The following DNAAF11 variants were observed in gnomAD, a reference collection of about 807,000 sequenced individuals.
The protein encoded by DNAAF11 is leucine rich repeat containing 6.
In DNAAF11, 45 loss-of-function variants were observed where a neutral mutation model predicts 60.8. The observed-to-expected ratio is 0.74, with a 90% confidence interval of 0.58 to 0.95. The LOEUF (loss-of-function observed/expected upper bound fraction) is 0.95. Among genes scored for constraint, DNAAF11 ranks in the 40% least tolerant of loss-of-function variants. DNAAF11 has a pLI of 0.00. For synonymous variants in DNAAF11, 191 were observed against 183.5 expected (o/e 1.04, Z -0.33); for missense variants, 546 against 546.2 (o/e 1.00, Z 0.00).
chr8:132,690,710 C>T, the DNAAF11 span, among the ~76,000 whole-genome samples: 6 of 152,206 alleles, frequency 3.9e-5, no homozygotes, highest in Non-Finnish European at 7.3e-5. Context: ...GGCTCCTCTT[C>T]GCCATGACAG....
the DNAAF11 span, among the ~76,000 whole-genome samples, chr8:132,681,003 C>CTTTTTTTTTTTTTTTTTTTTT: frequency 3.8e-5 from 2 of 52,336 alleles, no homozygotes; most frequent in African/African-American, 9.1e-5. Flanking sequence ...ATAACTATTC[C>CTTTTTTTTTTTTTTTTTTTTT]TTTTTTTTTT....
chr8:132,583,697 G>A lies in DNAAF11; in HGVS notation c.1223C>T (p.Thr408Ile). ...GGACAGTCTGGGAGGGTGGTACCTT[G>A]TATTTGTTTGTTCTCTGCTCCTGTC... is the stretch of plus-strand genomic sequence containing the variant. ...TSDRSREQTN[T>I]RSKHMEKLEV... Residue 408 changes from threonine (T) to isoleucine (I), a missense_variant, in exon 11 of 12, where the codon ACA becomes ATA. Thr to Ile is a moderately conservative substitution (Grantham distance 89, BLOSUM62 -1). Transcript: ENST00000620350. The A allele has an allele frequency of 6.2e-7, 1 of 1,612,576 alleles. No individual in the cohort carries two copies. The highest frequency in any genetic ancestry group is 1.1e-5 in the South Asian group (1 of 91,038).
At position 132,637,922 on chromosome 8, in the gene DNAAF11, A is replaced by T. The variant is rs1434700055; in HGVS notation, c.429+13T>A. The stretch of plus-strand genomic sequence containing the variant: ...ATTTATCTGTGATTTCTGCACCATT[A>T]AAAGAACCATACCTTTAATTGTGGA... On this transcript the variant is annotated intron_variant, in intron 4 of 11. Transcript: ENST00000620350. 11 of 1,590,290 alleles carry T rather than the reference A, an allele frequency of 6.9e-6. No homozygotes were observed. The African/African-American group carries it at 1.5e-4, about 22-fold the overall frequency.
the DNAAF11 span, among the ~76,000 whole-genome samples, chr8:132,695,838 T>A: frequency 5.9e-5 from 9 of 152,078 alleles, no homozygotes; most frequent in Admixed American, 5.9e-4. Flanking sequence ...ACCCGGAAAG[T>A]ACAATGAATG....
intron 11 of DNAAF11, among the ~76,000 whole-genome samples, chr8:132,578,772 A>C (rs990514975): frequency 6.6e-6 from 1 of 152,220 alleles, no homozygotes; most frequent in Non-Finnish European, 1.5e-5. Context: ...CAAATCAAGG[A>C]AAGTGGGAAC....
At chr8:132,577,890 C>T (rs1035339610) in intron 11 of DNAAF11, among the ~76,000 whole-genome samples, 1 of 151,868 alleles carries the variant, frequency 6.6e-6, no homozygotes, top group Non-Finnish European at 1.5e-5. Context: ...GCTGCTTGAA[C>T]TTCCGACCTC....
the DNAAF11 span, among the ~76,000 whole-genome samples, chr8:132,690,418 T>C: frequency 6.6e-6 from 1 of 152,212 alleles, no homozygotes; most frequent in African/African-American, 2.4e-5. Context: ...TCCACCACGA[T>C]TGTAAGTTTC....
At chr8:132,698,160 G>A in the DNAAF11 span, among the ~76,000 whole-genome samples, 17 of 152,154 alleles carry the variant, frequency 1.1e-4, no homozygotes, top group African/African-American at 3.6e-4. Flanking sequence ...TATCAACCTC[G>A]CAGCACAACA....
intron 1 of DNAAF11, among the ~76,000 whole-genome samples, chr8:132,669,959 A>C (rs1825024410): frequency 6.8e-6 from 1 of 146,420 alleles, no homozygotes; most frequent in Non-Finnish European, 1.5e-5. Context: ...AAAAAAAAAA[A>C]AAAAAATTAC....
At chr8:132,664,602 C>T (rs1387654878) in intron 1 of DNAAF11, among the ~76,000 whole-genome samples, 2 of 152,020 alleles carry the variant, frequency 1.3e-5, no homozygotes, top group Non-Finnish European at 2.9e-5. Context: ...GCTGGAACTA[C>T]AGGCATGCGC....
the DNAAF11 span, among the ~76,000 whole-genome samples, chr8:132,691,398 G>A: frequency 1.3e-5 from 2 of 152,072 alleles, no homozygotes; most frequent in African/African-American, 4.8e-5. Flanking sequence ...GACAGCCCAG[G>A]CTCATCTTGT....
At chr8:132,616,340 G>A (rs552636459) in intron 7 of DNAAF11, among the ~76,000 whole-genome samples, 2 of 152,042 alleles carry the variant, frequency 1.3e-5, no homozygotes, top group African/African-American at 4.8e-5. Context: ...TTATTTAGCT[G>A]AGTAGAACAG....
chr8:132,643,070 A>C (rs1467643240), intron 3 of DNAAF11, among the ~76,000 whole-genome samples: 2 of 152,194 alleles, frequency 1.3e-5, no homozygotes, highest in African/African-American at 2.4e-5. Context: ...CTCCGCTCCT[A>C]TGAGGATCTA....
At chr8:132,671,041 C>A (rs1825141917) in intron 1 of DNAAF11, among the ~76,000 whole-genome samples, 2 of 152,014 alleles carry the variant, frequency 1.3e-5, no homozygotes, top group Non-Finnish European at 2.9e-5. Flanking sequence ...GAAAAAAAGG[C>A]CAGGAAATCT....
At chr8:132,690,213 G>A in the DNAAF11 span, among the ~76,000 whole-genome samples, 1 of 152,102 alleles carries the variant, frequency 6.6e-6, no homozygotes, top group Non-Finnish European at 1.5e-5. Context: ...TTGACTCTAT[G>A]TCCCCATGCA....
At chr8:132,641,163 G>T (rs764855864) in intron 3 of DNAAF11, among the ~76,000 whole-genome samples, 23 of 152,242 alleles carry the variant, frequency 1.5e-4, no homozygotes, top group Middle Eastern at 3.4e-3. Context: ...ATGGAAGTAT[G>T]ATGAGGAATA....
At chr8:132,618,619 C>A in intron 7 of DNAAF11, among the ~76,000 whole-genome samples, 2 of 137,176 alleles carry the variant, frequency 1.5e-5, no homozygotes, top group Non-Finnish European at 1.5e-5. Flanking sequence ...CAAACAACCC[C>A]ATCAAAAAGT....
chr8:132,652,539 A>G (rs1390309530), intron 3 of DNAAF11, among the ~76,000 whole-genome samples: 1 of 152,240 alleles, frequency 6.6e-6, no homozygotes, highest in Non-Finnish European at 1.5e-5. Context: ...TGACGCAATC[A>G]GAACATAGAA....
intron 11 of DNAAF11, among the ~76,000 whole-genome samples, chr8:132,576,643 A>G (rs1477976794): frequency 6.6e-6 from 1 of 152,214 alleles, no homozygotes; most frequent in Non-Finnish European, 1.5e-5. Context: ...GAGCACTGAC[A>G]TAATGCTCAA....
Sources: allele counts gnomAD v4.1 joint callset (sites outside exome capture counted in the v4.1 genomes callset), GRCh38; gene constraint gnomAD v4.1.1; transcripts MANE v1.5; gene names NCBI Gene and HGNC (gene_info 2026-07-23, HGNC 2026-07-21).